MCTP1: variants seen among roughly 807,000 people sequenced by gnomAD.
The protein encoded by MCTP1 is multiple C2 and transmembrane domain-containing protein 1.
In MCTP1, 69 loss-of-function variants were observed where a neutral mutation model predicts 120.6. The ratio of observed to expected loss-of-function variants is 0.57; its 90% CI spans 0.47 to 0.70. The LOEUF (loss-of-function observed/expected upper bound fraction) is 0.70. Among genes scored for constraint, MCTP1 ranks in the 30% least tolerant of loss-of-function variants. MCTP1 has a pLI of 0.00. For missense variants in MCTP1, 1,203 were observed against 1,248.8 expected, an observed-to-expected ratio of 0.96 and a Z score of 0.55; for synonymous variants, 529 against 493.1, an observed-to-expected ratio of 1.07 and a Z score of -0.96.
chr5:94,885,756 T>G (rs140235988), intron 12 of MCTP1, among the ~76,000 whole-genome samples: 94 of 152,190 alleles, frequency 6.2e-4, no homozygotes, highest in Middle Eastern at 3.4e-3. Context: ...CACTGGTTAG[T>G]TGAAAGGTAA....
chr5:95,081,573 GCT>G, intron 1 of MCTP1: 2 of 1,502,798 alleles, frequency 1.3e-6, no homozygotes, highest in Admixed American at 2.1e-5. Context: ...GGCAAAAGAG[GCT>G]GTTCACCTCC....
intron 1 of MCTP1, among the ~76,000 whole-genome samples, chr5:95,250,996 G>A (rs571251318): frequency 6.6e-6 from 1 of 152,172 alleles, no homozygotes; most frequent in East Asian, 1.9e-4. Context: ...TATGCTCCAG[G>A]CACTGAACTA....
intron 8 of MCTP1, 97 bp downstream of exon 8, chr5:94,917,799 T>C: frequency 1.2e-6 from 1 of 842,814 alleles, no homozygotes; most frequent in Middle Eastern, 2.2e-4. Context: ...AATAGGTTAG[T>C]ATAGGGAGTG....
intron 1 of MCTP1, among the ~76,000 whole-genome samples, chr5:95,261,289 A>T (rs1363493233): frequency 6.6e-6 from 1 of 152,182 alleles, no homozygotes; most frequent in African/African-American, 2.4e-5. Flanking sequence ...GATCCTTGCA[A>T]TGAAGCAGTA....
At chr5:95,200,700 G>C (rs768637466) in intron 1 of MCTP1, among the ~76,000 whole-genome samples, 1 of 152,168 alleles carries the variant, frequency 6.6e-6, no homozygotes, top group Non-Finnish European at 1.5e-5. Context: ...ATTTCAGTTA[G>C]ATAAAAGTAA....
At chr5:95,124,825 A>G (rs886786672) in intron 1 of MCTP1, among the ~76,000 whole-genome samples, 1 of 152,246 alleles carries the variant, frequency 6.6e-6, no homozygotes, top group African/African-American at 2.4e-5. Context: ...AAAGATATTT[A>G]TCTCAATATT....
At chr5:95,073,540 G>A (rs527722375) in intron 1 of MCTP1, among the ~76,000 whole-genome samples, 18 of 152,158 alleles carry the variant, frequency 1.2e-4, no homozygotes, top group Non-Finnish European at 2.1e-4. Flanking sequence ...AAGATCTGTT[G>A]TTCACCTATA....
intron 8 of MCTP1, 24 bp from the exon 9 acceptor site, chr5:94,913,000 T>C: frequency 6.3e-7 from 1 of 1,577,642 alleles, no homozygotes; most frequent in African/African-American, 1.4e-5. Flanking sequence ...AAAATTGAGT[T>C]AGGTTACTGT....
At chr5:95,267,687 A>G (rs1192297363) in intron 1 of MCTP1, among the ~76,000 whole-genome samples, 1 of 152,224 alleles carries the variant, frequency 6.6e-6, no homozygotes, top group East Asian at 1.9e-4. Flanking sequence ...GACCAAGGAC[A>G]TGAAGTCTCC....
intron 1 of MCTP1, among the ~76,000 whole-genome samples, chr5:95,124,673 A>AAAGC (rs1472627323): frequency 6.6e-6 from 1 of 152,214 alleles, no homozygotes; most frequent in Non-Finnish European, 1.5e-5. Flanking sequence ...ACAGGAAAGA[A>AAAGC]AAGCATAATT....
At chr5:94,832,965 A>G (rs1788900391) in intron 17 of MCTP1, among the ~76,000 whole-genome samples, 1 of 152,234 alleles carries the variant, frequency 6.6e-6, no homozygotes, top group Non-Finnish European at 1.5e-5. Context: ...AGATAATGAG[A>G]TAACCACACA....
At position 95,284,386 on chromosome 5, in the gene MCTP1, T is replaced by A; in HGVS notation, c.190A>T (p.Thr64Ser). 6.3e-7 allele frequency: 1 copy of A among 1,593,712 alleles called. No individual in the cohort carries two copies. The highest frequency in any genetic ancestry group is 8.5e-7 in the Non-Finnish European group (1 of 1,178,228). ...PSPSPPPPVG[T>S]GNAPARGSGA... ...CTCCCCCTGGCCGGTGCATTCCCTG[T>A]GCCCACCGGGGGTGGCGGGGAGGGC... The change falls in exon 1 of 23, where the codon ACA becomes TCA. Residue 64 changes from threonine (T) to serine (S), a missense_variant. Physicochemically the swap from Thr to Ser is moderately conservative, Grantham distance 58. This residue lies in a region of MCTP1 where 463 missense variants were observed against 377.8 expected (regional missense o/e 1.23). Transcript: ENST00000515393. The surrounding 1 kb of genome is among the most constrained non-coding windows in gnomAD (Gnocchi z 5.2).
intron 17 of MCTP1, among the ~76,000 whole-genome samples, chr5:94,854,994 G>T (rs153850): frequency 6.6e-6 from 1 of 151,458 alleles, no homozygotes. Flanking sequence ...TCAGGAGATG[G>T]GTGTTTCATC....
chr5:94,926,850 C>G (rs1270679043), intron 6 of MCTP1, among the ~76,000 whole-genome samples: 1 of 152,168 alleles, frequency 6.6e-6, no homozygotes, highest in Non-Finnish European at 1.5e-5. Context: ...ATGTGAAGGC[C>G]ACCCAGCAAC....
intron 1 of MCTP1, among the ~76,000 whole-genome samples, chr5:95,055,254 T>G (rs192814243): frequency 6.0e-4 from 91 of 152,344 alleles, no homozygotes; most frequent in Admixed American, 4.8e-3. Flanking sequence ...GGATCCTCCC[T>G]TTTTGTAGTT....
Position 95,227,166 on chromosome 5 carries a change from T to G in MCTP1, c.720+56690A>C, listed in dbSNP as rs188556554. Among the ~76,000 whole-genome samples, 245 of 152,326 alleles carry G rather than the reference T, an allele frequency of 1.6e-3. 1 individual carries two copies. The highest frequency in any genetic ancestry group is 0.013 in the Admixed American group (198 of 15,288). On this transcript the variant is annotated intron_variant, in intron 1 of 22. Coordinates refer to ENST00000515393, the MANE Select transcript of MCTP1 (RefSeq NM_024717.7). ...TTTAAATCCTGCTACAACTGGTAAA[T>G]TCAAGCTCAGAAGATGTGATTAGGC...
intron 1 of MCTP1, among the ~76,000 whole-genome samples, chr5:95,042,571 T>G (rs2151912718): frequency 6.6e-6 from 1 of 152,318 alleles, no homozygotes; most frequent in South Asian, 2.1e-4. Context: ...GTCATTTCTT[T>G]GAAATACATG....
intron 1 of MCTP1, among the ~76,000 whole-genome samples, chr5:95,281,601 T>G (rs991962057): frequency 2.0e-5 from 3 of 152,238 alleles, no homozygotes; most frequent in African/African-American, 7.2e-5. Context: ...TTTACCATTC[T>G]GTCTGCCTAT....
intron 1 of MCTP1, among the ~76,000 whole-genome samples, chr5:95,210,561 T>C (rs1752231355): frequency 6.7e-6 from 1 of 148,790 alleles, no homozygotes; most frequent in Non-Finnish European, 1.5e-5. Context: ...TTTGAGCCTA[T>C]GTGTGTCTCT....
Sources: allele counts gnomAD v4.1 joint callset (sites outside exome capture counted in the v4.1 genomes callset), GRCh38; gene constraint gnomAD v4.1.1; regional missense constraint gnomAD v4.1.1; non-coding constraint Gnocchi (gnomAD v3.1); transcripts MANE v1.5; gene names NCBI Gene and HGNC (gene_info 2026-07-23, HGNC 2026-07-21).